ANO5: variants seen among roughly 807,000 people sequenced by gnomAD.
ANO5 encodes anoctamin 5, also known as anoctamin-5.
Under a neutral mutation model 121.0 loss-of-function variants are expected in ANO5, and 109 were observed. That is an observed-to-expected ratio of 0.90 (90% CI 0.77 to 1.06). The LOEUF is 1.06. Ranked by LOEUF, ANO5 falls within the 50% of genes least tolerant of loss-of-function variation. The pLI, the probability that ANO5 is intolerant of heterozygous loss-of-function variation, is 0.00. For synonymous variants in ANO5, 406 were observed against 359.9 expected (o/e 1.13, Z -1.45); for missense variants, 1,064 against 1,078.5 (o/e 0.99, Z 0.19).
In ANO5 at chr11:22,270,405, T is replaced by TGGAC. The variant is rs780201679; in HGVS notation, c.1993_1996dup (p.Pro666ArgfsTer8). ...AGCAGGATCATGACCTTGAAAGTTTTGGACCCCTTGGGCTTTTCTATGAGT... is the reference window on the plus strand; with the variant it reads ...AGCAGGATCATGACCTTGAAAGTTTTGGACGGACCCCTTGGGCTTTTCTATGAGT... On this transcript the variant is annotated frameshift_variant, in exon 18 of 22. Coordinates refer to ENST00000324559, the MANE Select transcript of ANO5 (RefSeq NM_213599.3). LOFTEE classifies it high-confidence loss of function. The TGGAC allele has an allele frequency of 2.5e-6, 4 of 1,614,082 alleles. No individual in the cohort carries two copies. The highest frequency in any genetic ancestry group is 3.4e-6 in the Non-Finnish European group (4 of 1,180,020).
chr11:22,249,684 A>G (rs910313990), intron 9 of ANO5, among the ~76,000 whole-genome samples: 6 of 152,114 alleles, frequency 3.9e-5, no homozygotes, highest in Non-Finnish European at 7.4e-5. Flanking sequence ...TAAAGTAGTC[A>G]TGTTTAATTC....
intron 17 of ANO5, among the ~76,000 whole-genome samples, chr11:22,269,397 G>T (rs1013237523): frequency 7.2e-6 from 1 of 139,668 alleles, no homozygotes; most frequent in Non-Finnish European, 1.5e-5. Context: ...AAGGAAGGAA[G>T]GAAGGAGAAA....
chr11:22,267,400 T>G (rs1402037461), intron 17 of ANO5, among the ~76,000 whole-genome samples: 1 of 151,470 alleles, frequency 6.6e-6, no homozygotes, highest in Non-Finnish European at 1.5e-5. Context: ...AAAAGTTCCT[T>G]TTTCGTATGC....
intron 1 of ANO5, among the ~76,000 whole-genome samples, chr11:22,202,005 A>G (rs1256096351): frequency 6.6e-6 from 1 of 152,116 alleles, no homozygotes; most frequent in African/African-American, 2.4e-5. Flanking sequence ...AAAGGAGACT[A>G]GTGGGCCAGA....
At chr11:22,276,927 T>C (rs953075031) in intron 21 of ANO5, among the ~76,000 whole-genome samples, 1 of 151,538 alleles carries the variant, frequency 6.6e-6, no homozygotes, top group African/African-American at 2.4e-5. Flanking sequence ...CTGTTTTTTT[T>C]TATTGTTATC....
At chr11:22,229,101 T>C (rs941744510) in intron 7 of ANO5, among the ~76,000 whole-genome samples, 1 of 151,942 alleles carries the variant, frequency 6.6e-6, no homozygotes, top group African/African-American at 2.4e-5. Context: ...TCATCTGTAG[T>C]GTGTAAGACT....
intron 8 of ANO5, among the ~76,000 whole-genome samples, chr11:22,239,360 T>C (rs911921147): frequency 3.3e-5 from 5 of 152,120 alleles, no homozygotes; most frequent in Non-Finnish European, 5.9e-5. Context: ...TCTTATACTT[T>C]TACTTGCATT....
chr11:22,203,290 A>T (rs2133518316), intron 1 of ANO5, among the ~76,000 whole-genome samples: 1 of 152,288 alleles, frequency 6.6e-6, no homozygotes, highest in South Asian at 2.1e-4. Context: ...ACTTACTTGA[A>T]CATGTATTTT....
chr11:22,207,401 G>A (rs1409120286), intron 2 of ANO5, among the ~76,000 whole-genome samples: 1 of 152,090 alleles, frequency 6.6e-6, no homozygotes, highest in African/African-American at 2.4e-5. Context: ...CACAAGTACA[G>A]CCAAATGATT....
intron 9 of ANO5, among the ~76,000 whole-genome samples, chr11:22,242,282 AG>A (rs1194971885): frequency 2.0e-5 from 3 of 152,070 alleles, no homozygotes; most frequent in Non-Finnish European, 4.4e-5. Context: ...TGCTTACCAT[AG>A]CCTTATAGCA....
chr11:22,247,960 A>G (rs951820470), intron 9 of ANO5, among the ~76,000 whole-genome samples: 2 of 152,146 alleles, frequency 1.3e-5, no homozygotes, highest in South Asian at 2.1e-4. Context: ...CATACTAAAT[A>G]GCATAGACTA....
chr11:22,251,338 T>C (rs1853808722), intron 12 of ANO5, among the ~76,000 whole-genome samples: 1 of 152,194 alleles, frequency 6.6e-6, no homozygotes, highest in South Asian at 2.1e-4. Context: ...AACAAATATT[T>C]TGTGGCTGGA....
At chr11:22,238,580 T>C (rs1853316639) in intron 8 of ANO5, among the ~76,000 whole-genome samples, 1 of 152,142 alleles carries the variant, frequency 6.6e-6, no homozygotes, top group East Asian at 1.9e-4. Context: ...TTTTTCAAAA[T>C]ACCCACATAG....
intron 7 of ANO5, among the ~76,000 whole-genome samples, chr11:22,232,733 T>C (rs1428448540): frequency 3.9e-5 from 6 of 152,024 alleles, no homozygotes. Context: ...GTTGCACCAA[T>C]TATTGAAAAC....
intron 5 of ANO5, 111 bp from the exon 6 acceptor site, chr11:22,225,870 TGGG>T (rs1852809711): frequency 1.3e-6 from 1 of 747,558 alleles, no homozygotes. Context: ...TATACAACCA[TGGG>T]AGGGGCAGAG....
chr11:22,232,634 A>T (rs1853078982), intron 7 of ANO5, among the ~76,000 whole-genome samples: 1 of 152,000 alleles, frequency 6.6e-6, no homozygotes, highest in African/African-American at 2.4e-5. Flanking sequence ...TACTTTTTAC[A>T]TTGACAACTA....
At chr11:22,233,800 A>G (rs1207949295) in intron 7 of ANO5, among the ~76,000 whole-genome samples, 2 of 133,796 alleles carry the variant, frequency 1.5e-5, no homozygotes, top group African/African-American at 4.9e-5. Flanking sequence ...ACACTGTCAT[A>G]ATAAGCAGAA....
At chr11:22,264,092 C>T (rs1384482550) in intron 17 of ANO5, among the ~76,000 whole-genome samples, 1 of 143,006 alleles carries the variant, frequency 7.0e-6, no homozygotes, top group Non-Finnish European at 1.5e-5. Context: ...GGCGCAATCT[C>T]GGCTCACTGC....
At chr11:22,210,265 A>G (rs923655618) in intron 2 of ANO5, among the ~76,000 whole-genome samples, 1 of 151,768 alleles carries the variant, frequency 6.6e-6, no homozygotes, top group African/African-American at 2.4e-5. Context: ...AAAATTGTAC[A>G]TTTTCAAAAT....
Sources: allele counts gnomAD v4.1 joint callset (sites outside exome capture counted in the v4.1 genomes callset), GRCh38; gene constraint gnomAD v4.1.1; transcripts MANE v1.5; gene names NCBI Gene and HGNC (gene_info 2026-07-23, HGNC 2026-07-21).